The following AMBN variants were observed in gnomAD, a reference collection of about 807,000 sequenced individuals.
The protein encoded by AMBN is enamel matrix protein.
A neutral mutation model predicts 48.0 loss-of-function variants in AMBN; 54 were observed. The ratio of observed to expected loss-of-function variants is 1.12; its 90% CI spans 0.90 to 1.41. The LOEUF is 1.41. Among genes scored for constraint, AMBN ranks in the 40% most tolerant of loss-of-function variants. The pLI, the probability that AMBN is intolerant of heterozygous loss-of-function variation, is 0.00. For synonymous variants in AMBN, 186 were observed against 190.0 expected (o/e 0.98, Z 0.17); for missense variants, 571 against 547.3 (o/e 1.04, Z -0.43).
rs757445366 is a variant in AMBN, at chr4:70,603,969, C to T, written c.798+48C>T. On this transcript the variant is annotated intron_variant, in intron 12 of 12. Transcript: ENST00000322937. Reference sequence around the variant, plus strand: ...TCTTAAAATAGTGGCCAGGGAAGAACAGTCACTTATGACTGGCTGCAAGAG... The same window carrying T: ...TCTTAAAATAGTGGCCAGGGAAGAATAGTCACTTATGACTGGCTGCAAGAG... The T allele has an allele frequency of 3.8e-6, 6 of 1,585,944 alleles. No homozygotes were observed. The South Asian group carries it at 5.5e-5, about 15-fold the overall frequency.
rs1737546620 is a variant in AMBN, at chr4:70,602,644, T to C, written c.552T>C (p.Ala184=). 1.3e-6 allele frequency: 2 copies of C among 1,570,792 alleles called. No individual in the cohort carries two copies. Among genetic ancestry groups the C allele is most frequent in the Middle Eastern group, 3.4e-4 (2 of 5,852 alleles). ...PKPELPGVDF[A]DPQGPSLPGM... ...TATAGCTCCCAGGAGTAGATTTTGC[T>C]GATCCACAAGGTCCATCAGTAAGTA... The change falls in exon 7 of 13, where the codon GCT becomes GCC. Residue 184 remains alanine, a synonymous_variant. Transcript: ENST00000322937.
At chr4:70,594,702 C>T (rs1242435723) in intron 2 of AMBN, among the ~76,000 whole-genome samples, 2 of 152,136 alleles carry the variant, frequency 1.3e-5, no homozygotes, top group African/African-American at 4.8e-5. Context: ...GAGGGTGCCA[C>T]CCTAGCTTAC....
At chr4:70,600,207 G>A (rs1354020035) in intron 5 of AMBN, among the ~76,000 whole-genome samples, 1 of 152,100 alleles carries the variant, frequency 6.6e-6, no homozygotes, top group African/African-American at 2.4e-5. Context: ...CTCTCAGGAG[G>A]CTGAGGCAGG....
At chr4:70,594,578 A>G (rs1333307206) in intron 2 of AMBN, among the ~76,000 whole-genome samples, 1 of 152,228 alleles carries the variant, frequency 6.6e-6, no homozygotes, top group East Asian at 1.9e-4. Flanking sequence ...GAGAAAGAGA[A>G]TGGAAATGGA....
intron 12 of AMBN, among the ~76,000 whole-genome samples, chr4:70,604,919 G>C (rs538422602): frequency 2.4e-4 from 36 of 152,030 alleles, no homozygotes; most frequent in African/African-American, 8.7e-4. Context: ...CTCGAAACTG[G>C]GAGGCAGAGG....
At chr4:70,592,748 GA>G (rs1464196260) in intron 1 of AMBN, among the ~76,000 whole-genome samples, 14 of 151,962 alleles carry the variant, frequency 9.2e-5, no homozygotes, top group African/African-American at 3.4e-4. Flanking sequence ...CTAAATTTGA[GA>G]CATATTTTCC....
chr4:70,606,808 C>A lies in AMBN; in HGVS notation c.*78C>A. The A allele has an allele frequency of 6.9e-7, 1 of 1,454,588 alleles. No homozygotes were observed. Among genetic ancestry groups the A allele is most frequent in the Non-Finnish European group, 9.3e-7 (1 of 1,080,196 alleles). The allele number at this position is 1,454,588 out of a possible 1,614,324, so 90.1% of individuals were successfully genotyped here. On this transcript the variant is annotated 3_prime_UTR_variant, in exon 13 of 13. Transcript: ENST00000322937. ...CCCACAGTGTACCTTTTTGCTAAAA[C>A]ACTTATTACCCTTCTGCAGCAAAGG...
intron 5 of AMBN, 50 bp from the exon 6 acceptor site, chr4:70,601,368 T>C (rs1275815623): frequency 6.3e-7 from 1 of 1,577,458 alleles, no homozygotes; most frequent in African/African-American, 1.3e-5. Flanking sequence ...CTAGGCACCG[T>C]TGTTTAATGA....
At chr4:70,594,926 C>T (rs1737355796) in intron 2 of AMBN, among the ~76,000 whole-genome samples, 1 of 152,170 alleles carries the variant, frequency 6.6e-6, no homozygotes, top group African/African-American at 2.4e-5. Context: ...TATCTGTATA[C>T]ATTCGTGTAA....
chr4:70,593,860 A>G (rs944694412), intron 2 of AMBN, among the ~76,000 whole-genome samples: 1 of 105,064 alleles, frequency 9.5e-6, no homozygotes, highest in African/African-American at 5.0e-5. Flanking sequence ...GTGAGACTCC[A>G]TTTAAAAAAA....
intron 4 of AMBN, 95 bp downstream of exon 4, chr4:70,598,498 A>G: frequency 2.0e-6 from 2 of 1,002,512 alleles, no homozygotes; most frequent in South Asian, 4.6e-5. Context: ...TGAATAGACA[A>G]TATACTAAAG....
At chr4:70,602,686 A>G in intron 7 of AMBN, 24 bp downstream of exon 7, 1 of 1,547,942 alleles carries the variant, frequency 6.5e-7, no homozygotes, top group Non-Finnish European at 8.8e-7. Context: ...TCAATGAGAC[A>G]CTTTCTGTAT....
At chr4:70,601,901 T>C (rs923983028) in intron 6 of AMBN, 3 of 603,840 alleles carry the variant, frequency 5.0e-6, no homozygotes, top group Admixed American at 4.3e-5. Context: ...CTGGGTTTCT[T>C]AGTTGCGAAA....
chr4:70,606,063 A>C (rs1737635158), intron 12 of AMBN, 122 bp from the exon 13 acceptor site: 1 of 1,142,372 alleles, frequency 8.8e-7, no homozygotes, highest in Non-Finnish European at 1.2e-6. Flanking sequence ...GCTATCAATC[A>C]GCCAACTTCC....
At chr4:70,592,604 G>C (rs1308256061) in intron 1 of AMBN, among the ~76,000 whole-genome samples, 2 of 151,212 alleles carry the variant, frequency 1.3e-5, no homozygotes. Context: ...TTTGATTATA[G>C]TGCCTAATTC....
At chr4:70,601,720 C>T (rs1737525940) in intron 6 of AMBN, 66 bp downstream of exon 6, 1 of 1,466,416 alleles carries the variant, frequency 6.8e-7, no homozygotes, top group South Asian at 1.2e-5. Context: ...AACGAATTTG[C>T]AGGGCACTTT....
At chr4:70,600,813 A>G (rs1299429697) in intron 5 of AMBN, among the ~76,000 whole-genome samples, 1 of 152,226 alleles carries the variant, frequency 6.6e-6, no homozygotes, top group Non-Finnish European at 1.5e-5. Context: ...GAGCATTACC[A>G]CGAGGTCACA....
Position 70,601,596 on chromosome 4 carries a change from G to T in AMBN, c.473G>T (p.Gly158Val). Residue 158 changes from glycine to valine, a missense_variant, in exon 6 of 13, where the codon GGA becomes GTA. Physicochemically the swap from Gly to Val is moderately radical, Grantham distance 109 (BLOSUM62 -3). Coordinates refer to ENST00000322937, the MANE Select transcript of AMBN (RefSeq NM_016519.6). ...IHLGHLPLQE[G>V]ELPLVQQQVA... Reference sequence around the variant, plus strand: ...CTGGGACATCTGCCCTTGCAGGAAGGAGAACTGCCTCTGGTTCAGCAGCAG... The same window carrying T: ...CTGGGACATCTGCCCTTGCAGGAAGTAGAACTGCCTCTGGTTCAGCAGCAG... 1 of 1,614,102 alleles carries T rather than the reference G, an allele frequency of 6.2e-7. No homozygotes were observed. The highest frequency in any genetic ancestry group is 8.5e-7 in the Non-Finnish European group (1 of 1,179,998).
chr4:70,600,486 T>G (rs1737494982), intron 5 of AMBN, among the ~76,000 whole-genome samples: 3 of 152,212 alleles, frequency 2.0e-5, no homozygotes, highest in Non-Finnish European at 4.4e-5. Context: ...AAATTTCATC[T>G]TATCTGATTC....
Sources: allele counts gnomAD v4.1 joint callset (sites outside exome capture counted in the v4.1 genomes callset), GRCh38; gene constraint gnomAD v4.1.1; transcripts MANE v1.5; gene names NCBI Gene and HGNC (gene_info 2026-07-23, HGNC 2026-07-21).